SGPP1: variants seen among roughly 807,000 people sequenced by gnomAD.
SGPP1 encodes the protein hSPP1.
SGPP1 carries 21 observed loss-of-function variants against 33.0 expected under a neutral mutation model. The ratio of observed to expected loss-of-function variants is 0.64; its 90% CI spans 0.45 to 0.92. The LOEUF (loss-of-function observed/expected upper bound fraction) is 0.92. Ranked by LOEUF, SGPP1 falls within the 40% of genes least tolerant of loss-of-function variation. SGPP1 has a pLI of 0.00. For missense variants in SGPP1, 543 were observed against 589.4 expected (o/e 0.92, Z 0.81); for synonymous variants, 239 against 241.2 (o/e 0.99, Z 0.08).
chr14:63,723,530 CCAA>C (rs1233567644), intron 1 of SGPP1, among the ~76,000 whole-genome samples: 1 of 151,966 alleles, frequency 6.6e-6, no homozygotes, highest in Non-Finnish European at 1.5e-5. Flanking sequence ...ACCATCCTGG[CCAA>C]CATGGTGAAA....
At chr14:63,694,191 T>C (rs1224202785) in intron 2 of SGPP1, among the ~76,000 whole-genome samples, 1 of 151,908 alleles carries the variant, frequency 6.6e-6, no homozygotes, top group African/African-American at 2.4e-5. Context: ...GGAAGATCGC[T>C]TGAGTCCAGG....
chr14:63,720,352 TGGAA>T (rs1196396817), intron 1 of SGPP1, among the ~76,000 whole-genome samples: 1 of 150,764 alleles, frequency 6.6e-6, no homozygotes, highest in Non-Finnish European at 1.5e-5. Flanking sequence ...GATGGATGGA[TGGAA>T]GGAAGGAAGA....
At chr14:63,705,005 T>C (rs1443803887) in intron 1 of SGPP1, among the ~76,000 whole-genome samples, 1 of 151,834 alleles carries the variant, frequency 6.6e-6, no homozygotes, top group Non-Finnish European at 1.5e-5. Flanking sequence ...TGTGTGCCTG[T>C]AGTCCCAGCT....
At chr14:63,721,136 G>C (rs946781867) in intron 1 of SGPP1, among the ~76,000 whole-genome samples, 7 of 152,202 alleles carry the variant, frequency 4.6e-5, no homozygotes, top group Non-Finnish European at 1.0e-4. Context: ...GTTCGTCTCG[G>C]CCTTCAAAAG....
chr14:63,697,040 G>C (rs561651239), intron 2 of SGPP1, among the ~76,000 whole-genome samples: 2 of 152,210 alleles, frequency 1.3e-5, no homozygotes, highest in Admixed American at 1.3e-4. Flanking sequence ...GGAGAGCGGG[G>C]GGAGGAAAGG....
Position 63,727,712 on chromosome 14 carries a change from G to A in SGPP1, c.233C>T (p.Ala78Val). 1 of 1,417,062 alleles carries A rather than the reference G, an allele frequency of 7.1e-7. No homozygotes were observed. The highest frequency in any genetic ancestry group is 9.1e-7 in the Non-Finnish European group (1 of 1,094,314). 87.8% of individuals were successfully genotyped at this position (1,417,062 alleles called of 1,614,324 possible). A position where few individuals can be genotyped will look rare whatever the true frequency, so the allele number is the denominator to read the frequency against. Residue 78 changes from alanine to valine, a missense_variant, in exon 1 of 3, where the codon GCC (alanine) becomes GTC (valine). Transcript: ENST00000247225. ...PPGSDRNQCP[A>V]KPDGGGAPNG... ...GGGGGCGCCGCCGCCGTCCGGCTTG[G>A]CCGGGCACTGATTGCGGTCGCTCCC...
chr14:63,698,492 G>T, intron 2 of SGPP1, 77 bp downstream of exon 2: 1 of 778,486 alleles, frequency 1.3e-6, no homozygotes, highest in Non-Finnish European at 1.9e-6. Flanking sequence ...AGGTAAGTTT[G>T]CAAATGATTA....
chr14:63,686,975 T>C (rs939328884), intron 2 of SGPP1, among the ~76,000 whole-genome samples: 9 of 152,238 alleles, frequency 5.9e-5, no homozygotes, highest in South Asian at 2.1e-4. Context: ...AGTACACTTA[T>C]TATTCAAAGA....
At chr14:63,719,934 G>A (rs1411435166) in intron 1 of SGPP1, among the ~76,000 whole-genome samples, 2 of 149,442 alleles carry the variant, frequency 1.3e-5, no homozygotes, top group East Asian at 2.0e-4. Context: ...GTCCAATACG[G>A]TGAAACCCCA....
chr14:63,719,566 G>A (rs1885725255), intron 1 of SGPP1, among the ~76,000 whole-genome samples: 1 of 151,362 alleles, frequency 6.6e-6, no homozygotes, highest in Admixed American at 6.6e-5. Context: ...GAAAACTAAA[G>A]GTATTGGAAT....
At chr14:63,707,239 T>C (rs529484594) in intron 1 of SGPP1, among the ~76,000 whole-genome samples, 155 of 152,194 alleles carry the variant, frequency 1.0e-3, no homozygotes, top group African/African-American at 3.6e-3. Flanking sequence ...ATACACATTA[T>C]AATTAAAAAT....
chr14:63,707,531 A>G (rs1321020720), intron 1 of SGPP1, among the ~76,000 whole-genome samples: 1 of 148,146 alleles, frequency 6.8e-6, no homozygotes, highest in Non-Finnish European at 1.5e-5. Flanking sequence ...TTCATTATCT[A>G]CTGATTTTTT....
Position 63,691,123 on chromosome 14 carries a change from C to A in SGPP1, c.775-4467G>T, listed in dbSNP as rs146392212. On this transcript the variant is annotated intron_variant, in intron 2 of 2. Transcript: ENST00000247225. ...AGTTGCTTAAAATTATAATTGTATT[C>A]TCTTTATTTAAATAAGTGATTCCTT... is the stretch of plus-strand genomic sequence containing the variant. Among the ~76,000 whole-genome samples, 79 of 152,270 alleles carry A rather than the reference C, an allele frequency of 5.2e-4. No individual in the cohort carries two copies. In the East Asian group the frequency reaches 0.015, roughly 29 times the overall value.
intron 1 of SGPP1, among the ~76,000 whole-genome samples, chr14:63,711,028 T>C (rs1885511374): frequency 6.6e-6 from 1 of 151,864 alleles, no homozygotes. Flanking sequence ...TTTTTTTTTT[T>C]TTGAGACAGA....
chr14:63,687,725 G>C (rs1208956205), intron 2 of SGPP1, among the ~76,000 whole-genome samples: 1 of 152,198 alleles, frequency 6.6e-6, no homozygotes, highest in Non-Finnish European at 1.5e-5. Flanking sequence ...TAGGAGCTGG[G>C]TGCAGTGGCT....
chr14:63,718,835 A>G (rs1378132998), intron 1 of SGPP1, among the ~76,000 whole-genome samples: 1 of 150,726 alleles, frequency 6.6e-6, no homozygotes, highest in Non-Finnish European at 1.5e-5. Context: ...GACAGCTCAC[A>G]GAAAAGGAAA....
Position 63,689,262 on chromosome 14 carries a change from G to A in SGPP1, c.775-2606C>T, listed in dbSNP as rs142127346. 1.2e-3 allele frequency among the ~76,000 whole-genome samples: 184 copies of A among 152,138 alleles called. 2 individuals carry two copies. The highest frequency in any genetic ancestry group is 8.4e-3 in the East Asian group (43 of 5,142). On this transcript the variant is annotated intron_variant, in intron 2 of 2. Transcript: ENST00000247225. The stretch of plus-strand genomic sequence containing the variant: ...CTATCACTCTGCATTCCTCCCTGGA[G>A]GCAATTTGCAAGCATGAATTTTGGC...
At position 63,727,415 on chromosome 14, in the gene SGPP1, G is replaced by C; in HGVS notation, c.530C>G (p.Thr177Ser). Residue 177 changes from threonine to serine, a missense_variant, in exon 1 of 3, where the codon ACC (threonine) becomes AGC (serine). Coordinates refer to ENST00000247225, the MANE Select transcript of SGPP1 (RefSeq NM_030791.4). ...CCTCGGCCAGCGGATGATGTCCTTG[G>C]TGCACTGGCCCAGGTACATGACCAG... ...WVLVMYLGQCTKDIIRWPRPA... is the reference protein window; with the variant it reads ...WVLVMYLGQCSKDIIRWPRPA... 4 of 1,613,944 alleles carry C rather than the reference G, an allele frequency of 2.5e-6. No individual in the cohort carries two copies. The highest frequency in any genetic ancestry group is 3.4e-6 in the Non-Finnish European group (4 of 1,179,994).
intron 1 of SGPP1, among the ~76,000 whole-genome samples, chr14:63,720,277 G>GA (rs1281387951): frequency 2.7e-5 from 4 of 147,354 alleles, no homozygotes; most frequent in Non-Finnish European, 6.0e-5. Flanking sequence ...AAAATGGTAA[G>GA]AAAAAAAGAA....
Sources: allele counts gnomAD v4.1 joint callset (sites outside exome capture counted in the v4.1 genomes callset), GRCh38; gene constraint gnomAD v4.1.1; transcripts MANE v1.5; gene names NCBI Gene and HGNC (gene_info 2026-07-23, HGNC 2026-07-21).